Variants in GRM8 observed in about 807,000 individuals in gnomAD.
GRM8 encodes glutamate metabotropic receptor 8, also known as metabotropic glutamate receptor 8.
A neutral mutation model predicts 87.2 loss-of-function variants in GRM8; 47 were observed. That is an observed-to-expected ratio of 0.54 (90% CI 0.43 to 0.69). The LOEUF is 0.69. Ranked by LOEUF, GRM8 falls within the 30% of genes least tolerant of loss-of-function variation. GRM8 has a pLI of 0.00. For missense variants in GRM8, 1,019 were observed against 1,139.2 expected, an observed-to-expected ratio of 0.89 and a Z score of 1.52; for synonymous variants, 396 against 404.5, an observed-to-expected ratio of 0.98 and a Z score of 0.25.
intron 9 of GRM8, among the ~76,000 whole-genome samples, chr7:126,462,884 A>T (rs979289431): frequency 6.6e-6 from 1 of 151,698 alleles, no homozygotes; most frequent in East Asian, 2.0e-4. Context: ...CTCAGGAGAA[A>T]AAGACAGACA....
Position 127,143,484 on chromosome 7 carries a change from G to T in GRM8, c.511-36772C>A, listed in dbSNP as rs541966639. ...TGTAGCAGCTGTAGCTCACATTTAG[G>T]GGTGTCTAGTATAAGCATAAGCCCA... is the stretch of plus-strand genomic sequence containing the variant. On this transcript the variant is annotated intron_variant, in intron 2 of 10. Coordinates refer to ENST00000339582, the MANE Select transcript of GRM8 (RefSeq NM_000845.3). Among the ~76,000 whole-genome samples, 27 of 152,192 alleles carry T rather than the reference G, an allele frequency of 1.8e-4. No homozygotes were observed. In the South Asian group the frequency reaches 5.6e-3, roughly 32 times the overall value.
At chr7:126,958,459 C>G (rs1808963728) in intron 3 of GRM8, among the ~76,000 whole-genome samples, 1 of 152,202 alleles carries the variant, frequency 6.6e-6, no homozygotes. Context: ...TATGTCTGGT[C>G]CAGCCGCAGC....
chr7:127,193,106 A>G (rs1795105716), intron 2 of GRM8, among the ~76,000 whole-genome samples: 1 of 152,234 alleles, frequency 6.6e-6, no homozygotes, highest in Non-Finnish European at 1.5e-5. Context: ...ACATTTTCTA[A>G]GGATAAAACC....
chr7:126,588,352 TG>T (rs1049104034), intron 8 of GRM8, among the ~76,000 whole-genome samples: 2 of 152,280 alleles, frequency 1.3e-5, no homozygotes, highest in South Asian at 4.1e-4. Flanking sequence ...TACCTGTTGG[TG>T]GGGGTATAAA....
At chr7:126,607,129 G>T (rs891443332) in intron 8 of GRM8, among the ~76,000 whole-genome samples, 2 of 152,112 alleles carry the variant, frequency 1.3e-5, no homozygotes, top group African/African-American at 4.8e-5. Context: ...AAGGGCTTCT[G>T]TCAAAAAGCT....
chr7:126,453,870 T>C (rs745639962), intron 9 of GRM8, among the ~76,000 whole-genome samples: 1 of 151,722 alleles, frequency 6.6e-6, no homozygotes, highest in Non-Finnish European at 1.5e-5. Flanking sequence ...GGGATATGTA[T>C]ATGAAAATTA....
chr7:126,832,593 C>G (rs942365613), intron 6 of GRM8, among the ~76,000 whole-genome samples: 1 of 152,154 alleles, frequency 6.6e-6, no homozygotes, highest in African/African-American at 2.4e-5. Context: ...CACATTATGT[C>G]ATCAAACATA....
intron 3 of GRM8, among the ~76,000 whole-genome samples, chr7:127,037,879 T>C (rs1817995262): frequency 6.6e-6 from 1 of 151,986 alleles, no homozygotes; most frequent in South Asian, 2.1e-4. Flanking sequence ...TTACACTATA[T>C]ATAGTGTCAG....
intron 3 of GRM8, among the ~76,000 whole-genome samples, chr7:127,036,178 G>A (rs1041688498): frequency 6.6e-6 from 1 of 152,016 alleles, no homozygotes; most frequent in Non-Finnish European, 1.5e-5. Flanking sequence ...ATTGGTATAA[G>A]TGCAGTTCTA....
At chr7:127,073,050 G>T (rs1048638007) in intron 3 of GRM8, among the ~76,000 whole-genome samples, 1 of 152,004 alleles carries the variant, frequency 6.6e-6, no homozygotes, top group African/African-American at 2.4e-5. Context: ...AAGTGAAGGG[G>T]AAATGAGAAG....
At chr7:127,130,986 C>T (rs1460620327) in intron 2 of GRM8, among the ~76,000 whole-genome samples, 1 of 152,156 alleles carries the variant, frequency 6.6e-6, no homozygotes, top group Non-Finnish European at 1.5e-5. Flanking sequence ...AATTTTGTAG[C>T]AGTGTGATAA....
chr7:126,870,104 T>C (rs1798962199), intron 6 of GRM8: 1 of 152,218 alleles, frequency 6.6e-6, no homozygotes, highest in Non-Finnish European at 1.5e-5. Context: ...TTTTCTGTTA[T>C]GTAGATGACT....
At chr7:126,472,146 G>A (rs1320229022) in intron 9 of GRM8, among the ~76,000 whole-genome samples, 1 of 152,140 alleles carries the variant, frequency 6.6e-6, no homozygotes, top group Non-Finnish European at 1.5e-5. Context: ...GGGACAATTT[G>A]ACTTCCTCTT....
chr7:127,103,779 T>C (rs1303167004), intron 3 of GRM8, among the ~76,000 whole-genome samples: 1 of 152,184 alleles, frequency 6.6e-6, no homozygotes, highest in Non-Finnish European at 1.5e-5. Flanking sequence ...GCAATAATCC[T>C]ATAGTCAAGA....
intron 3 of GRM8, among the ~76,000 whole-genome samples, chr7:126,908,818 A>C (rs1161808436): frequency 1.3e-5 from 2 of 152,208 alleles, no homozygotes; most frequent in East Asian, 3.8e-4. Context: ...GAGGCACTGG[A>C]CTATTAATCT....
At chr7:126,897,968 T>A (rs1370069620) in intron 6 of GRM8, among the ~76,000 whole-genome samples, 2 of 152,154 alleles carry the variant, frequency 1.3e-5, no homozygotes, top group African/African-American at 4.8e-5. Context: ...CAGAAGTCCC[T>A]CCCTGCTGGG....
At chr7:126,497,596 C>T (rs1158700200) in intron 9 of GRM8, among the ~76,000 whole-genome samples, 1 of 151,926 alleles carries the variant, frequency 6.6e-6, no homozygotes, top group African/African-American at 2.4e-5. Flanking sequence ...GATGTCCTTG[C>T]CCCATTTCTG....
At chr7:127,040,025 GA>G (rs1818260600) in intron 3 of GRM8, among the ~76,000 whole-genome samples, 1 of 33,452 alleles carries the variant, frequency 3.0e-5, no homozygotes, top group Non-Finnish European at 7.4e-5. Context: ...GGAGGGTGAG[GA>G]GGGAGGGGAG....
chr7:127,225,487 A>G (rs1342158215), intron 2 of GRM8, among the ~76,000 whole-genome samples: 1 of 64,072 alleles, frequency 1.6e-5, no homozygotes, highest in Non-Finnish European at 3.4e-5. Context: ...ATCTGCTGGA[A>G]AAAAAAAAAA....
Sources: allele counts gnomAD v4.1 joint callset (sites outside exome capture counted in the v4.1 genomes callset), GRCh38; gene constraint gnomAD v4.1.1; transcripts MANE v1.5; gene names NCBI Gene and HGNC (gene_info 2026-07-23, HGNC 2026-07-21).